Variants in NRG3 observed in about 807,000 individuals in gnomAD.
The protein encoded by NRG3 is pro-neuregulin-3, membrane-bound isoform.
NRG3 carries 31 observed loss-of-function variants against 66.9 expected under a neutral mutation model. The ratio of observed to expected loss-of-function variants is 0.46; its 90% CI spans 0.35 to 0.63. The LOEUF (loss-of-function observed/expected upper bound fraction) is 0.63, where lower values mean the gene tolerates loss of function less well. Among genes scored for constraint, NRG3 ranks in the 20% least tolerant of loss-of-function variants. NRG3 has a pLI of 0.00. For missense variants in NRG3, 910 were observed against 878.9 expected (o/e 1.04, Z -0.45); for synonymous variants, 393 against 359.4 (o/e 1.09, Z -1.06).
chr10:82,529,957 T>C (rs188017099), intron 2 of NRG3, among the ~76,000 whole-genome samples: 136 of 152,280 alleles, frequency 8.9e-4, no homozygotes, highest in African/African-American at 3.2e-3. Context: ...TTGCAAACAG[T>C]TAAATGATGC....
chr10:82,925,255 C>T (rs1328826716), intron 4 of NRG3, among the ~76,000 whole-genome samples: 1 of 152,196 alleles, frequency 6.6e-6, no homozygotes, highest in Non-Finnish European at 1.5e-5. Context: ...TACAGGAAGA[C>T]AGTGTTTCTT....
chr10:82,233,296 C>T lies in NRG3; in HGVS notation c.824-125443C>T, dbSNP rs935448748. Among the ~76,000 whole-genome samples the T allele has an allele frequency of 8.5e-5, 13 of 152,080 alleles. 1 individual carries two copies. The highest frequency in any genetic ancestry group is 1.3e-4 in the Non-Finnish European group (9 of 67,998). Reference sequence around the variant, plus strand: ...AGGAGAATGGTGTGTACCCGGGAGGCGGAGCTTGCAGTGACCCAAGATGGC... The same window carrying T: ...AGGAGAATGGTGTGTACCCGGGAGGTGGAGCTTGCAGTGACCCAAGATGGC... On this transcript the variant is annotated intron_variant, in intron 1 of 8. Coordinates refer to ENST00000372141, the MANE Select transcript of NRG3 (RefSeq NM_001010848.4).
intron 1 of NRG3, among the ~76,000 whole-genome samples, chr10:82,083,043 C>T (rs946583666): frequency 4.6e-5 from 7 of 151,488 alleles, no homozygotes; most frequent in Non-Finnish European, 8.8e-5. Context: ...TGGACTCAAG[C>T]GATCCTCCCT....
At chr10:82,505,044 C>T (rs1409968895) in intron 2 of NRG3, among the ~76,000 whole-genome samples, 2 of 152,056 alleles carry the variant, frequency 1.3e-5, no homozygotes, top group Non-Finnish European at 2.9e-5. Flanking sequence ...TCTTTAAGAC[C>T]ATAGTGAAAG....
chr10:82,227,432 G>A (rs1214895768), intron 1 of NRG3, among the ~76,000 whole-genome samples: 1 of 151,784 alleles, frequency 6.6e-6, no homozygotes, highest in Non-Finnish European at 1.5e-5. Context: ...TATTGATTTT[G>A]AACTTGATGC....
intron 1 of NRG3, among the ~76,000 whole-genome samples, chr10:82,249,377 C>T (rs534619509): frequency 6.6e-6 from 1 of 152,194 alleles, no homozygotes; most frequent in African/African-American, 2.4e-5. Flanking sequence ...TTTGCACCGG[C>T]CACTACCCCA....
intron 2 of NRG3, among the ~76,000 whole-genome samples, chr10:82,419,450 G>A (rs1184998338): frequency 1.3e-5 from 2 of 152,094 alleles, no homozygotes; most frequent in African/African-American, 2.4e-5. Context: ...TTTTATAAAG[G>A]TTGTCTCTGA....
chr10:82,759,283 C>T (rs1003774783), intron 3 of NRG3, among the ~76,000 whole-genome samples: 1 of 152,076 alleles, frequency 6.6e-6, no homozygotes, highest in African/African-American at 2.4e-5. Flanking sequence ...GAGGCCCTCA[C>T]CAGATGCAGC....
intron 2 of NRG3, among the ~76,000 whole-genome samples, chr10:82,459,937 G>T (rs1323332128): frequency 1.3e-5 from 2 of 152,188 alleles, no homozygotes; most frequent in African/African-American, 4.8e-5. Context: ...AAAAGACAAA[G>T]AATCAGTTTG....
chr10:82,282,151 C>G (rs549272316), intron 1 of NRG3, among the ~76,000 whole-genome samples: 2 of 152,080 alleles, frequency 1.3e-5, no homozygotes, highest in Middle Eastern at 3.2e-3. Context: ...TGAAACTGAT[C>G]TAGAGGAGGT....
chr10:82,243,523 A>G (rs1343375029), intron 1 of NRG3, among the ~76,000 whole-genome samples: 8 of 152,186 alleles, frequency 5.3e-5, no homozygotes, highest in Admixed American at 5.2e-4. Context: ...GTCTTTAGAA[A>G]TAAAAATTAA....
chr10:82,016,674 G>A (rs2061800646), intron 1 of NRG3, among the ~76,000 whole-genome samples: 1 of 152,044 alleles, frequency 6.6e-6, no homozygotes, highest in South Asian at 2.1e-4. Flanking sequence ...ATATTGTTAT[G>A]TTTTAAGTGA....
intron 1 of NRG3, among the ~76,000 whole-genome samples, chr10:82,276,128 A>G (rs557502848): frequency 6.6e-6 from 1 of 152,110 alleles, no homozygotes; most frequent in South Asian, 2.1e-4. Context: ...CATTTTCCAA[A>G]GTACATATCA....
At chr10:82,305,986 T>G (rs142689761) in intron 1 of NRG3, among the ~76,000 whole-genome samples, 1 of 152,224 alleles carries the variant, frequency 6.6e-6, no homozygotes, top group Non-Finnish European at 1.5e-5. Flanking sequence ...CTGAGAGAGA[T>G]ATATTTATCT....
In NRG3 at chr10:82,537,997, G is replaced by A. The variant is rs975979971; in HGVS notation, c.953+179129G>A. 7.9e-5 allele frequency among the ~76,000 whole-genome samples: 12 copies of A among 152,112 alleles called. 1 individual carries two copies. The highest frequency in any genetic ancestry group is 4.4e-5 in the Non-Finnish European group (3 of 68,004). ...TTGTTAATATGGCAACACATTCCCT[G>A]TTCATTCATATAGGTCACCAGGAAT... On this transcript the variant is annotated intron_variant, in intron 2 of 8. Coordinates refer to ENST00000372141, the MANE Select transcript of NRG3 (RefSeq NM_001010848.4).
intron 2 of NRG3, among the ~76,000 whole-genome samples, chr10:82,644,350 T>TA: frequency 6.6e-6 from 1 of 152,304 alleles, no homozygotes; most frequent in Non-Finnish European, 1.5e-5. Context: ...GAGTTGTGAC[T>TA]ATAAAGAAAC....
At chr10:82,752,210 T>C (rs1209061863) in intron 3 of NRG3, among the ~76,000 whole-genome samples, 2 of 152,166 alleles carry the variant, frequency 1.3e-5, no homozygotes, top group African/African-American at 2.4e-5. Context: ...TAAAAACCTA[T>C]TTTAATTGAA....
chr10:82,047,800 A>G (rs2133090604), intron 1 of NRG3, among the ~76,000 whole-genome samples: 1 of 152,194 alleles, frequency 6.6e-6, no homozygotes, highest in Admixed American at 6.5e-5. Context: ...AAAGACACAG[A>G]CTGGCAAATT....
chr10:82,349,015 G>A (rs1392352629), intron 1 of NRG3, among the ~76,000 whole-genome samples: 1 of 151,852 alleles, frequency 6.6e-6, no homozygotes, highest in Non-Finnish European at 1.5e-5. Flanking sequence ...TGGTTTGAAT[G>A]TCCTCCTGTA....
Sources: gnomAD v4.1 joint callset for allele counts (sites outside exome capture counted in the v4.1 genomes callset) on GRCh38, gnomAD v4.1.1 for gene constraint, MANE v1.5 for transcripts, NCBI Gene and HGNC (gene_info 2026-07-23, HGNC 2026-07-21) for gene names.